Variants in ABCB1 observed in about 807,000 individuals in gnomAD.
The protein encoded by ABCB1 is ATP-dependent translocase ABCB1.
Under a neutral mutation model 142.0 loss-of-function variants are expected in ABCB1, and 69 were observed. The observed-to-expected ratio is 0.49, with a 90% CI of 0.40 to 0.59. The LOEUF is 0.59. Among genes scored for constraint, ABCB1 ranks in the 20% least tolerant of loss-of-function variants. ABCB1 has a pLI of 0.00. For synonymous variants in ABCB1, 532 were observed against 539.2 expected, an observed-to-expected ratio of 0.99 and a Z score of 0.18; for missense variants, 1,326 against 1,554.7, an observed-to-expected ratio of 0.85 and a Z score of 2.47.
intron 25 of ABCB1, 91 bp downstream of exon 25, chr7:87,515,140 G>GA: frequency 6.7e-7 from 1 of 1,501,958 alleles, no homozygotes; most frequent in African/African-American, 1.4e-5. Context: ...TTAAAGGTTT[G>GA]AAAAAACATG....
At chr7:87,647,101 A>T (rs1202987267) in intron 1 of ABCB1, among the ~76,000 whole-genome samples, 1 of 152,180 alleles carries the variant, frequency 6.6e-6, no homozygotes, top group Non-Finnish European at 1.5e-5. Flanking sequence ...CCATTATCCC[A>T]TATATATGTA....
chr7:87,712,129 C>G (rs1197517323), intron 1 of ABCB1, among the ~76,000 whole-genome samples: 1 of 151,904 alleles, frequency 6.6e-6, no homozygotes, highest in Non-Finnish European at 1.5e-5. Flanking sequence ...TTTTGAGATA[C>G]AAAGAAAATA....
chr7:87,548,739 C>A (rs28381905), intron 14 of ABCB1, among the ~76,000 whole-genome samples: 2 of 152,242 alleles, frequency 1.3e-5, no homozygotes, highest in East Asian at 3.9e-4. Context: ...GCCCGGCACA[C>A]GGCAAACACT....
rs867357697 is a variant in ABCB1 at position 87,626,505 on chromosome 7, G to A, written c.-330-25427C>T. On this transcript the variant is annotated intron_variant, in intron 1 of 28. Transcript: ENST00000265724. Reference sequence around the variant, plus strand: ...TGTGTCATATATATGTGTCATATATGTGTCATATATATGTGTCATATATAT... The same window carrying A: ...TGTGTCATATATATGTGTCATATATATGTCATATATATGTGTCATATATAT... Among the ~76,000 whole-genome samples the A allele has an allele frequency of 2.3e-4, 2 of 8,792 alleles. 1 individual carries two copies. Among genetic ancestry groups the A allele is most frequent in the Non-Finnish European group, 3.1e-4 (2 of 6,396 alleles). The allele number at this position is 8,792 out of a possible 152,430, so 5.8% of individuals were successfully genotyped here.
chr7:87,581,600 C>A (rs1470172348), intron 4 of ABCB1, among the ~76,000 whole-genome samples: 4 of 152,094 alleles, frequency 2.6e-5, no homozygotes, highest in Non-Finnish European at 5.9e-5. Context: ...GAAATCTGGT[C>A]CACAGTAAAA....
chr7:87,561,280 T>C lies in ABCB1; in HGVS notation c.810A>G (p.Gln270=), dbSNP rs202109172. 1.2e-6 allele frequency: 2 copies of C among 1,613,996 alleles called. No individual in the cohort carries two copies. The highest frequency in any genetic ancestry group is 2.2e-5 in the East Asian group (1 of 44,838). The change falls in exon 8 of 28, where the codon CAA becomes CAG. Residue 270 remains glutamine (Q), a synonymous_variant. Coordinates refer to ENST00000622132, the MANE Select transcript of ABCB1 (RefSeq NM_001348946.2). ...AIRTVIAFGG[Q]KKELERYNKN... is the part of the protein sequence containing the mutation. The stretch of plus-strand genomic sequence containing the variant: ...ACTCAAACCTTTCAAGTTCTTTCTT[T>C]TGTCCTCCAAATGCAATCACAGTTC...
At chr7:87,581,304 C>T (rs1818495989) in intron 4 of ABCB1, among the ~76,000 whole-genome samples, 1 of 151,974 alleles carries the variant, frequency 6.6e-6, no homozygotes, top group Non-Finnish European at 1.5e-5. Flanking sequence ...TCTTCAACTG[C>T]CTGGATGTCA....
At chr7:87,513,945 G>A (rs1815124344) in intron 25 of ABCB1, among the ~76,000 whole-genome samples, 1 of 152,120 alleles carries the variant, frequency 6.6e-6, no homozygotes, top group African/African-American at 2.4e-5. Flanking sequence ...TTTATTTAGA[G>A]TCCTGTTTTT....
chr7:87,704,506 G>A (rs1480343097), intron 1 of ABCB1, among the ~76,000 whole-genome samples: 1 of 152,188 alleles, frequency 6.6e-6, no homozygotes, highest in African/African-American at 2.4e-5. Flanking sequence ...TAGAAATGTA[G>A]CATTTGGACC....
At chr7:87,545,279 G>T (rs945813061) in intron 15 of ABCB1, among the ~76,000 whole-genome samples, 2 of 152,048 alleles carry the variant, frequency 1.3e-5, no homozygotes, top group Non-Finnish European at 2.9e-5. Flanking sequence ...ATTTTTTGTG[G>T]GTGTTTTGAC....
At chr7:87,658,035 A>T (rs1824293516) in intron 1 of ABCB1, among the ~76,000 whole-genome samples, 1 of 152,220 alleles carries the variant, frequency 6.6e-6, no homozygotes, top group South Asian at 2.1e-4. Context: ...AAGAACCAGG[A>T]AGATCTCAGA....
chr7:87,628,612 TG>T (rs1255966759), intron 1 of ABCB1: 482 of 365,232 alleles, frequency 1.3e-3, no homozygotes, highest in African/African-American at 9.5e-3. Flanking sequence ...TGTGTGTGTG[TG>T]TGTGTGTGTG....
chr7:87,550,333 TCA>T lies in ABCB1; in HGVS notation c.1225-39_1225-38del, dbSNP rs769477744. 4 of 1,613,846 alleles carry T rather than the reference TCA, an allele frequency of 2.5e-6. No individual in the cohort carries two copies. In the East Asian group the frequency reaches 8.9e-5, roughly 36 times the overall value. On this transcript the variant is annotated intron_variant, in intron 11 of 27. Coordinates refer to ENST00000622132, the MANE Select transcript of ABCB1 (RefSeq NM_001348946.2). ...AGTGAGAAAAAAACTTCAAGGCAAT[TCA>T]CAGACACAGGATATAGGAACTGACT... is the stretch of plus-strand genomic sequence containing the variant.
intron 3 of ABCB1, among the ~76,000 whole-genome samples, chr7:87,587,653 C>T (rs559369916): frequency 8.4e-4 from 128 of 152,060 alleles, no homozygotes; most frequent in Middle Eastern, 3.4e-3. Context: ...GGGCAGATCA[C>T]GAGGTCAGGA....
In ABCB1 at chr7:87,675,530, G is replaced by T. The variant is rs532058545; in HGVS notation, c.-331+37631C>A. Among the ~76,000 whole-genome samples, 11 of 150,820 alleles carry T rather than the reference G, an allele frequency of 7.3e-5. 1 individual carries two copies. In the South Asian group the frequency reaches 2.1e-3, roughly 29 times the overall value. ...ACATAGACCAATGGAACAAAGTAGA[G>T]AACCCAGAAATTAATGTATGCATAT... On this transcript the variant is annotated intron_variant, in intron 1 of 28. Coordinates refer to the ABCB1 transcript ENST00000265724.
intron 7 of ABCB1, among the ~76,000 whole-genome samples, chr7:87,565,252 A>G (rs1171739826): frequency 6.6e-6 from 1 of 152,198 alleles, no homozygotes; most frequent in South Asian, 2.1e-4. Flanking sequence ...TTGTCCATTC[A>G]TTACTTTTGC....
At chr7:87,566,737 C>T (rs1479879957) in intron 6 of ABCB1, 48 bp downstream of exon 6, 2 of 1,564,944 alleles carry the variant, frequency 1.3e-6, no homozygotes, top group Non-Finnish European at 1.8e-6. Flanking sequence ...TTTCATTTTA[C>T]TAAGGATAAG....
At chr7:87,582,383 C>CTCTGTATTATA (rs1448105774) in intron 4 of ABCB1, among the ~76,000 whole-genome samples, 3 of 152,226 alleles carry the variant, frequency 2.0e-5, no homozygotes, top group African/African-American at 7.2e-5. Context: ...TTTTATTTAT[C>CTCTGTATTATA]TCTGTATTAT....
At chr7:87,505,351 T>C (rs1419001528) in intron 27 of ABCB1, among the ~76,000 whole-genome samples, 1 of 152,178 alleles carries the variant, frequency 6.6e-6, no homozygotes, top group African/African-American at 2.4e-5. Flanking sequence ...GTGTTTACCT[T>C]AGTTTCAAGG....
Sources: allele counts gnomAD v4.1 joint callset (sites outside exome capture counted in the v4.1 genomes callset), GRCh38; gene constraint gnomAD v4.1.1; transcripts MANE v1.5; gene names NCBI Gene and HGNC (gene_info 2026-07-23, HGNC 2026-07-21).